The following KCND2 variants were observed in gnomAD, a reference collection of about 807,000 sequenced individuals.
KCND2 encodes the protein potassium voltage-gated channel subfamily D member 2.
KCND2 carries 16 observed loss-of-function variants against 54.4 expected under a neutral mutation model. The observed-to-expected ratio is 0.29, with a 90% confidence interval of 0.20 to 0.45. The LOEUF (loss-of-function observed/expected upper bound fraction) is 0.45, where lower values mean the gene tolerates loss of function less well. KCND2 is among the 20% of genes least tolerant of loss of function. The pLI, the probability that KCND2 is intolerant of heterozygous loss-of-function variation, is 1.00. For missense variants in KCND2, 486 were observed against 824.2 expected, an observed-to-expected ratio of 0.59 and a Z score of 5.02; for synonymous variants, 317 against 310.7, an observed-to-expected ratio of 1.02 and a Z score of -0.21.
intron 1 of KCND2, among the ~76,000 whole-genome samples, chr7:120,540,054 C>T (rs917305975): frequency 1.3e-5 from 2 of 152,088 alleles, no homozygotes; most frequent in African/African-American, 4.8e-5. Flanking sequence ...AGCCACCATG[C>T]CTGGCTAATT....
chr7:120,408,561 G>T (rs1315477654), intron 1 of KCND2, among the ~76,000 whole-genome samples: 3 of 151,834 alleles, frequency 2.0e-5, no homozygotes, highest in African/African-American at 7.2e-5. Flanking sequence ...AAAAGTTTAA[G>T]ACTCGAATTA....
At chr7:120,624,313 A>G (rs1365220701) in intron 1 of KCND2, among the ~76,000 whole-genome samples, 1 of 152,232 alleles carries the variant, frequency 6.6e-6, no homozygotes, top group African/African-American at 2.4e-5. Flanking sequence ...TTTTTCTACT[A>G]AAAGTACACA....
chr7:120,570,721 A>C (rs957966767), intron 1 of KCND2, among the ~76,000 whole-genome samples: 1 of 152,082 alleles, frequency 6.6e-6, no homozygotes, highest in Non-Finnish European at 1.5e-5. Flanking sequence ...TATTTAGTAT[A>C]GTTTTATTTC....
intron 1 of KCND2, among the ~76,000 whole-genome samples, chr7:120,388,548 T>C (rs2116045349): frequency 6.6e-6 from 1 of 151,960 alleles, no homozygotes; most frequent in Middle Eastern, 3.4e-3. Context: ...CATTTGTGGT[T>C]CTTTCAGGGA....
Position 120,313,435 on chromosome 7 carries a change from T to A in KCND2, c.1115+37688T>A, listed in dbSNP as rs718897. On this transcript the variant is annotated intron_variant, in intron 1 of 5. Transcript: ENST00000331113. ...GGAAGGAAAGCCTTTGTTATTCAAT[T>A]TTTTTGTGAAAAGAAATATTATTAA... Among the ~76,000 whole-genome samples the A allele has an allele frequency of 9.1e-3, 1,386 of 152,288 alleles. 13 individuals are homozygous for A. The highest frequency in any genetic ancestry group is 0.018 in the Admixed American group (278 of 15,290).
At chr7:120,527,319 G>T (rs1343281909) in intron 1 of KCND2, among the ~76,000 whole-genome samples, 2 of 151,972 alleles carry the variant, frequency 1.3e-5, no homozygotes, top group Admixed American at 6.6e-5. Context: ...CATTTCCAGG[G>T]TTATATGTTT....
At position 120,282,023 on chromosome 7, in the gene KCND2, G is replaced by C. The variant is rs192249636; in HGVS notation, c.1115+6276G>C. ...ATAACTAACTACTCTGCAAAGGCTAGAATTAATGGCTACCAGTTGCCATTT... is the reference window on the plus strand; with the variant it reads ...ATAACTAACTACTCTGCAAAGGCTACAATTAATGGCTACCAGTTGCCATTT... On this transcript the variant is annotated intron_variant, in intron 1 of 5. Coordinates refer to ENST00000331113, the MANE Select transcript of KCND2 (RefSeq NM_012281.3). Among the ~76,000 whole-genome samples, 9 of 152,278 alleles carry C rather than the reference G, an allele frequency of 5.9e-5. No homozygotes were observed. The East Asian group carries it at 1.7e-3, about 29-fold the overall frequency.
intron 1 of KCND2, among the ~76,000 whole-genome samples, chr7:120,496,059 G>A (rs140231506): frequency 2.0e-5 from 3 of 152,202 alleles, no homozygotes; most frequent in Admixed American, 6.5e-5. Flanking sequence ...AGTCATTATC[G>A]AAGGTTGTTG....
intron 1 of KCND2, among the ~76,000 whole-genome samples, chr7:120,660,176 T>A (rs1791848821): frequency 6.6e-6 from 1 of 152,230 alleles, no homozygotes; most frequent in African/African-American, 2.4e-5. Flanking sequence ...ACTATTATTT[T>A]AAACTTGGTA....
chr7:120,318,415 G>T (rs1018950882), intron 1 of KCND2, among the ~76,000 whole-genome samples: 2 of 151,994 alleles, frequency 1.3e-5, no homozygotes, highest in Non-Finnish European at 2.9e-5. Flanking sequence ...CTATATGAAA[G>T]GTGAATAGCA....
At chr7:120,716,084 C>G (rs771187122) in intron 1 of KCND2, among the ~76,000 whole-genome samples, 3 of 152,006 alleles carry the variant, frequency 2.0e-5, no homozygotes, top group Non-Finnish European at 4.4e-5. Context: ...TCTAGGCTAG[C>G]AAAAGCTCAT....
chr7:120,539,998 G>T (rs1177108329), intron 1 of KCND2, among the ~76,000 whole-genome samples: 1 of 152,098 alleles, frequency 6.6e-6, no homozygotes, highest in Admixed American at 6.6e-5. Flanking sequence ...AATATGGAAA[G>T]GCAAGGGCTA....
At chr7:120,656,410 C>T (rs1198065847) in intron 1 of KCND2, among the ~76,000 whole-genome samples, 4 of 152,116 alleles carry the variant, frequency 2.6e-5, no homozygotes, top group Non-Finnish European at 4.4e-5. Context: ...CCCAATGAAA[C>T]ATGGAAGACT....
intron 1 of KCND2, among the ~76,000 whole-genome samples, chr7:120,338,638 A>G (rs898258900): frequency 5.9e-5 from 9 of 152,114 alleles, no homozygotes; most frequent in Admixed American, 1.3e-4. Flanking sequence ...CTTACAAAAT[A>G]ATTTTAAATT....
Position 120,573,504 on chromosome 7 carries a change from C to T in KCND2, c.1116-159399C>T, listed in dbSNP as rs550048165. On this transcript the variant is annotated intron_variant, in intron 1 of 5. Transcript: ENST00000331113. ...AGTGTTTCCCAACTTGCATTTTCCC[C>T]CGTTAAGCTTACTTGAAGACTCCTA... Among the ~76,000 whole-genome samples the T allele has an allele frequency of 1.5e-4, 23 of 152,254 alleles. No homozygotes were observed. In the East Asian group the frequency reaches 3.9e-3, roughly 26 times the overall value.
chr7:120,395,416 A>T (rs1801139390), intron 1 of KCND2, among the ~76,000 whole-genome samples: 1 of 152,046 alleles, frequency 6.6e-6, no homozygotes, highest in Admixed American at 6.6e-5. Flanking sequence ...TTTTCCAATT[A>T]CATGGAAATT....
intron 1 of KCND2, among the ~76,000 whole-genome samples, chr7:120,643,759 T>C (rs968120227): frequency 6.6e-6 from 1 of 151,282 alleles, no homozygotes; most frequent in South Asian, 2.1e-4. Flanking sequence ...CACAGCACAC[T>C]ACAAAATAAT....
chr7:120,342,272 ACT>A (rs1239068777), intron 1 of KCND2, among the ~76,000 whole-genome samples: 3 of 152,120 alleles, frequency 2.0e-5, no homozygotes, highest in Non-Finnish European at 4.4e-5. Flanking sequence ...AAAATAAATA[ACT>A]CTCAGAGTTG....
intron 1 of KCND2, among the ~76,000 whole-genome samples, chr7:120,536,133 G>GCGAAT (rs1271497268): frequency 6.6e-6 from 1 of 152,082 alleles, no homozygotes; most frequent in Admixed American, 6.6e-5. Flanking sequence ...AGCAAGTCAC[G>GCGAAT]CGAATTGTTT....
Sources: allele counts gnomAD v4.1 joint callset (sites outside exome capture counted in the v4.1 genomes callset), GRCh38; gene constraint gnomAD v4.1.1; transcripts MANE v1.5; gene names NCBI Gene and HGNC (gene_info 2026-07-23, HGNC 2026-07-21).